The following KCNK10 variants were observed in gnomAD, a reference collection of about 807,000 sequenced individuals.
KCNK10 encodes the protein potassium channel subfamily K member 10.
A neutral mutation model predicts 47.7 loss-of-function variants in KCNK10; 25 were observed. The ratio of observed to expected loss-of-function variants is 0.52; its 90% CI spans 0.38 to 0.73. KCNK10 has a LOEUF of 0.73. Ranked by LOEUF, KCNK10 falls within the 30% of genes least tolerant of loss-of-function variation. The pLI, the probability that KCNK10 is intolerant of heterozygous loss-of-function variation, is 0.00. For missense variants in KCNK10, 563 were observed against 714.5 expected, an observed-to-expected ratio of 0.79 and a Z score of 2.42; for synonymous variants, 303 against 285.6, an observed-to-expected ratio of 1.06 and a Z score of -0.61.
intron 2 of KCNK10, among the ~76,000 whole-genome samples, chr14:88,247,692 G>A (rs758767458): frequency 6.6e-6 from 1 of 152,166 alleles, no homozygotes; most frequent in Non-Finnish European, 1.5e-5. Flanking sequence ...TGCTCATGGC[G>A]TATGGTCTTA....
intron 2 of KCNK10, among the ~76,000 whole-genome samples, chr14:88,243,779 A>G (rs1474119657): frequency 6.6e-6 from 1 of 151,830 alleles, no homozygotes; most frequent in Non-Finnish European, 1.5e-5. Flanking sequence ...AAATAAAGCG[A>G]CAAAAAGGGG....
chr14:88,233,996 G>A (rs1886225516), intron 3 of KCNK10, among the ~76,000 whole-genome samples: 1 of 152,132 alleles, frequency 6.6e-6, no homozygotes, highest in Non-Finnish European at 1.5e-5. Context: ...AATTTTAATT[G>A]GTGTACAATA....
intron 4 of KCNK10, among the ~76,000 whole-genome samples, chr14:88,198,633 C>T (rs969524527): frequency 6.6e-6 from 1 of 152,146 alleles, no homozygotes; most frequent in Non-Finnish European, 1.5e-5. Flanking sequence ...AGGATAAATG[C>T]TCATTTTCCG....
At chr14:88,281,889 C>T (rs1887660379) in intron 1 of KCNK10, among the ~76,000 whole-genome samples, 1 of 150,804 alleles carries the variant, frequency 6.6e-6, no homozygotes, top group Admixed American at 6.6e-5. Flanking sequence ...TCTAGAGTAC[C>T]CCCACTAATA....
Position 88,184,955 on chromosome 14 carries a change from GC to G in KCNK10, c.*579del, listed in dbSNP as rs1480704610. 1.3e-5 allele frequency: 2 copies of G among 153,742 alleles called. No homozygotes were observed. The highest frequency in any genetic ancestry group is 1.9e-4 in the East Asian group (1 of 5,352). 9.5% of individuals were successfully genotyped at this position (153,742 alleles called of 1,614,324 possible). ...CCTTTTCGTACGTGTGCTCTGATCT[GC>G]TTCCAACAAATTCCAGGTGCTCTCA... On this transcript the variant is annotated 3_prime_UTR_variant, in exon 7 of 7. Transcript: ENST00000319231.
chr14:88,194,710 T>C (rs17124236), intron 4 of KCNK10, among the ~76,000 whole-genome samples: 9,839 of 152,086 alleles, frequency 0.065, 581 homozygotes, highest in African/African-American at 0.15. Context: ...TCGTGGCATC[T>C]TAATTGCATC....
intron 1 of KCNK10, among the ~76,000 whole-genome samples, chr14:88,319,542 A>T (rs1387000341): frequency 6.6e-6 from 1 of 152,210 alleles, no homozygotes; most frequent in Non-Finnish European, 1.5e-5. Context: ...CTTGCCCATC[A>T]GACATGGAAA....
At chr14:88,326,010 T>C (rs969094807), upstream of KCNK10, among the ~76,000 whole-genome samples, 1 of 152,032 alleles carries the variant, frequency 6.6e-6, no homozygotes, top group Admixed American at 6.6e-5. Context: ...TGTCTAGTGC[T>C]CCTGGTCTGC....
intron 2 of KCNK10, 54 bp from the exon 3 acceptor site, chr14:88,240,874 T>C: frequency 1.7e-6 from 2 of 1,185,028 alleles, no homozygotes; most frequent in Non-Finnish European, 2.4e-6. Context: ...TTTATTTTTT[T>C]TTTCTTCAAA....
intron 4 of KCNK10, among the ~76,000 whole-genome samples, chr14:88,194,743 A>C (rs1408119187): frequency 6.6e-6 from 1 of 152,178 alleles, no homozygotes; most frequent in Non-Finnish European, 1.5e-5. Context: ...CTTTATCAGC[A>C]AGGTAAACAT....
At chr14:88,324,914 C>A (rs943488920), upstream of KCNK10, among the ~76,000 whole-genome samples, 1 of 152,172 alleles carries the variant, frequency 6.6e-6, no homozygotes, top group African/African-American at 2.4e-5. Flanking sequence ...TGGGCTGTCA[C>A]AGGCACCCCA....
chr14:88,304,851 A>C (rs1017075997), intron 1 of KCNK10, among the ~76,000 whole-genome samples: 5 of 152,226 alleles, frequency 3.3e-5, no homozygotes, highest in African/African-American at 1.2e-4. Flanking sequence ...ATATGAAATA[A>C]GATGTCTTTA....
At chr14:88,281,830 TTG>T (rs10541411) in intron 1 of KCNK10, among the ~76,000 whole-genome samples, 105,192 of 148,238 alleles carry the variant, frequency 0.71, 37,574 homozygotes, top group South Asian at 0.78. Flanking sequence ...CAAGATACAT[TTG>T]TGTGTGTGTG....
chr14:88,221,193 T>C (rs1885798576), intron 4 of KCNK10, among the ~76,000 whole-genome samples: 1 of 151,502 alleles, frequency 6.6e-6, no homozygotes, highest in African/African-American at 2.4e-5. Context: ...TCCCAGCTAC[T>C]TGGGAGGCTG....
intron 1 of KCNK10, among the ~76,000 whole-genome samples, chr14:88,296,844 C>G (rs766009861): frequency 1.3e-5 from 2 of 152,124 alleles, no homozygotes; most frequent in Non-Finnish European, 2.9e-5. Context: ...TTACATCGGC[C>G]AAAGCATGGT....
At chr14:88,281,782 A>C (rs1384822692) in intron 1 of KCNK10, among the ~76,000 whole-genome samples, 1 of 149,608 alleles carries the variant, frequency 6.7e-6, no homozygotes, top group Non-Finnish European at 1.5e-5. Flanking sequence ...ACATATGTAC[A>C]TATATACATA....
chr14:88,208,869 G>C (rs149259662), intron 4 of KCNK10, among the ~76,000 whole-genome samples: 1 of 152,222 alleles, frequency 6.6e-6, no homozygotes, highest in East Asian at 1.9e-4. Context: ...GTGACTACTC[G>C]GGAGTGAGAG....
chr14:88,262,766 C>G (rs541663186), intron 2 of KCNK10, among the ~76,000 whole-genome samples: 1 of 152,338 alleles, frequency 6.6e-6, no homozygotes, highest in African/African-American at 2.4e-5. Flanking sequence ...ACCCACATAC[C>G]TGGTGGCCTC....
At chr14:88,326,666 C>T (rs1888670135), upstream of KCNK10, 2 of 577,436 alleles carry the variant, frequency 3.5e-6, no homozygotes, top group Non-Finnish European at 6.1e-6. Context: ...TGGGTGCACT[C>T]GGTGGCAAAG....
Sources: allele counts gnomAD v4.1 joint callset (sites outside exome capture counted in the v4.1 genomes callset), GRCh38; gene constraint gnomAD v4.1.1; transcripts MANE v1.5; gene names NCBI Gene and HGNC (gene_info 2026-07-23, HGNC 2026-07-21).